PLSCR2: variants seen among roughly 807,000 people sequenced by gnomAD.
PLSCR2 encodes the protein phospholipid scramblase 2, also known as PL scramblase 2.
In PLSCR2, 18 loss-of-function variants were observed where a neutral mutation model predicts 25.3. The ratio of observed to expected loss-of-function variants is 0.71; its 90% CI spans 0.49 to 1.06. PLSCR2 has a LOEUF of 1.06. Among genes scored for constraint, PLSCR2 ranks in the 50% least tolerant of loss-of-function variants. PLSCR2 has a pLI of 0.00. For missense variants in PLSCR2, 243 were observed against 269.5 expected, an observed-to-expected ratio of 0.90 and a Z score of 0.69; for synonymous variants, 88 against 87.3, an observed-to-expected ratio of 1.01 and a Z score of -0.04.
intron 3 of PLSCR2, among the ~76,000 whole-genome samples, chr3:146,395,022 G>C (rs1453057639): frequency 6.6e-6 from 1 of 152,154 alleles, no homozygotes; most frequent in East Asian, 1.9e-4. Context: ...AGCCTCCCTA[G>C]CTATGTGTAA....
chr3:146,443,478 T>A (rs1330547621), intron 6 of PLSCR2, among the ~76,000 whole-genome samples: 1 of 152,064 alleles, frequency 6.6e-6, no homozygotes, highest in Non-Finnish European at 1.5e-5. Flanking sequence ...TTTTCATGGT[T>A]CAGTCTCGGT....
chr3:146,411,881 C>G (rs1156678121), intron 2 of PLSCR2, among the ~76,000 whole-genome samples: 2 of 151,216 alleles, frequency 1.3e-5, no homozygotes, highest in Non-Finnish European at 2.9e-5. Context: ...GTGATAGACT[C>G]AGGGCTTTGG....
intron 2 of PLSCR2, among the ~76,000 whole-genome samples, chr3:146,399,784 TC>T (rs1553767787): frequency 2.8e-5 from 1 of 35,470 alleles, no homozygotes; most frequent in African/African-American, 7.8e-5. Flanking sequence ...TTCTTCTTCC[TC>T]CTTCTTTCCT....
At chr3:146,441,665 A>G, downstream of PLSCR2, 1 of 647,764 alleles carries the variant, frequency 1.5e-6, no homozygotes, top group Non-Finnish European at 2.7e-6. Flanking sequence ...ACACAGGTGT[A>G]AGTAATTTAA....
At chr3:146,437,205 G>A (rs898139427), downstream of PLSCR2, among the ~76,000 whole-genome samples, 2 of 152,058 alleles carry the variant, frequency 1.3e-5, no homozygotes, top group Admixed American at 6.6e-5. Context: ...TTTTTGCACT[G>A]ATGTTCATCA....
At chr3:146,462,468 CTTT>C (rs35843946), upstream of PLSCR2, among the ~76,000 whole-genome samples, 23,608 of 144,888 alleles carry the variant, frequency 0.16, 2,552 homozygotes, top group African/African-American at 0.32. Context: ...TCTTTTCTTT[CTTT>C]TTTTTTTTTT....
intron 1 of PLSCR2, among the ~76,000 whole-genome samples, chr3:146,471,621 C>CA (rs1238527018): frequency 1.3e-4 from 20 of 149,122 alleles, no homozygotes; most frequent in African/African-American, 4.7e-4. Flanking sequence ...GACTGGAGTG[C>CA]AGTGGCACGA....
intron 6 of PLSCR2, among the ~76,000 whole-genome samples, chr3:146,447,962 A>C (rs940127893): frequency 1.3e-5 from 2 of 152,128 alleles, no homozygotes; most frequent in Non-Finnish European, 2.9e-5. Context: ...ATGACAGGGA[A>C]GCACAGAGTT....
Position 146,402,783 on chromosome 3 carries a change from A to G in PLSCR2, c.101-6862T>C, listed in dbSNP as rs187263665. Among the ~76,000 whole-genome samples, 226 of 152,204 alleles carry G rather than the reference A, an allele frequency of 1.5e-3. 3 individuals carry two copies. The highest frequency in any genetic ancestry group is 0.014 in the Admixed American group (220 of 15,278). On this transcript the variant is annotated intron_variant and NMD_transcript_variant, in intron 2 of 3. Transcript: ENST00000463633. ...GTGCCCAGCCTAAACATTCTGTTCT[A>G]ATGCTAAACTCTGAAACAGGTTGAG...
At chr3:146,473,883 A>G (rs548689795) in intron 1 of PLSCR2, among the ~76,000 whole-genome samples, 43 of 152,302 alleles carry the variant, frequency 2.8e-4, no homozygotes, top group African/African-American at 8.4e-4. Context: ...TCACTTTAAG[A>G]ACCATTGCTA....
At chr3:146,488,537 A>G (rs543911308) in intron 1 of PLSCR2, among the ~76,000 whole-genome samples, 1 of 152,308 alleles carries the variant, frequency 6.6e-6, no homozygotes, top group South Asian at 2.1e-4. Flanking sequence ...CCACTTCTCA[A>G]AATAAGACAT....
At chr3:146,425,950 G>A (rs1484678575) in intron 2 of PLSCR2, among the ~76,000 whole-genome samples, 1 of 152,018 alleles carries the variant, frequency 6.6e-6, no homozygotes, top group Admixed American at 6.6e-5. Context: ...ATTGAGTGCT[G>A]CTTTGAGACA....
chr3:146,429,306 T>C (rs1576605025), downstream of PLSCR2, among the ~76,000 whole-genome samples: 1 of 152,162 alleles, frequency 6.6e-6, no homozygotes, highest in Admixed American at 6.5e-5. Flanking sequence ...TGGAACTCTT[T>C]AGGGACTTGC....
chr3:146,435,530 G>A (rs1357265230), intron 8 of PLSCR2, among the ~76,000 whole-genome samples: 2 of 152,184 alleles, frequency 1.3e-5, no homozygotes, highest in Non-Finnish European at 2.9e-5. Flanking sequence ...CAGAGATGAT[G>A]AGCATTTTTT....
At chr3:146,435,893 T>C (rs112560533) in intron 8 of PLSCR2, among the ~76,000 whole-genome samples, 1 of 152,224 alleles carries the variant, frequency 6.6e-6, no homozygotes, top group African/African-American at 2.4e-5. Flanking sequence ...TCCTAGGGTT[T>C]TTACGGTTTT....
upstream of PLSCR2, among the ~76,000 whole-genome samples, chr3:146,463,236 G>A (rs2041701970): frequency 6.6e-6 from 1 of 152,056 alleles, no homozygotes; most frequent in Non-Finnish European, 1.5e-5. Context: ...GAGTGCAGTG[G>A]CGAGATCTGG....
intron 8 of PLSCR2, among the ~76,000 whole-genome samples, chr3:146,436,126 G>A (rs1306808161): frequency 2.6e-5 from 4 of 152,056 alleles, no homozygotes; most frequent in East Asian, 1.9e-4. Context: ...TGTTCCATTG[G>A]TCTATATCTC....
chr3:146,394,956 T>G (rs992067012), intron 3 of PLSCR2, among the ~76,000 whole-genome samples: 1 of 152,220 alleles, frequency 6.6e-6, no homozygotes, highest in Non-Finnish European at 1.5e-5. Flanking sequence ...CCTGCCGCCT[T>G]GTGGAAAAGG....
At chr3:146,438,392 T>C (rs1310675134), downstream of PLSCR2, among the ~76,000 whole-genome samples, 7 of 152,170 alleles carry the variant, frequency 4.6e-5, no homozygotes, top group Non-Finnish European at 8.8e-5. Context: ...TCTCCCATTA[T>C]TATTGTGTGG....
Sources: gnomAD v4.1 joint callset for allele counts (sites outside exome capture counted in the v4.1 genomes callset) on GRCh38, gnomAD v4.1.1 for gene constraint, MANE v1.5 for transcripts, NCBI Gene and HGNC (gene_info 2026-07-23, HGNC 2026-07-21) for gene names.